The following NRG3 variants were observed in gnomAD, a reference collection of about 807,000 sequenced individuals.
NRG3 encodes the protein neuregulin 3.
A neutral mutation model predicts 66.9 loss-of-function variants in NRG3; 31 were observed. That is an observed-to-expected ratio of 0.46 (90% confidence interval 0.35 to 0.63). The LOEUF (loss-of-function observed/expected upper bound fraction) is 0.63, where lower values mean the gene tolerates loss of function less well. Among genes scored for constraint, NRG3 ranks in the 20% least tolerant of loss-of-function variants. The pLI is 0.00. For missense variants in NRG3, 910 were observed against 878.9 expected (o/e 1.04, Z -0.45); for synonymous variants, 393 against 359.4 (o/e 1.09, Z -1.06).
intron 3 of NRG3, among the ~76,000 whole-genome samples, chr10:82,852,923 A>T (rs572081788): frequency 7.2e-5 from 11 of 152,326 alleles, no homozygotes; most frequent in African/African-American, 2.6e-4. Flanking sequence ...ATTAGACAAT[A>T]GTTTCCTCCA....
At chr10:82,420,713 C>A (rs2088998256) in intron 2 of NRG3, among the ~76,000 whole-genome samples, 1 of 152,008 alleles carries the variant, frequency 6.6e-6, no homozygotes, top group South Asian at 2.1e-4. Context: ...CATGTATAAA[C>A]CTGCTTAATA....
chr10:82,640,886 C>A (rs189386771), intron 2 of NRG3, among the ~76,000 whole-genome samples: 33 of 152,130 alleles, frequency 2.2e-4, no homozygotes, highest in Admixed American at 1.6e-3. Flanking sequence ...CAAATATTAA[C>A]AAATGCTTAC....
intron 1 of NRG3, among the ~76,000 whole-genome samples, chr10:82,058,225 C>T (rs1483958988): frequency 1.3e-5 from 2 of 151,886 alleles, no homozygotes; most frequent in African/African-American, 4.8e-5. Context: ...CTAGGCCATA[C>T]ATAGCAAGTT....
intron 6 of NRG3, among the ~76,000 whole-genome samples, chr10:82,963,842 G>A (rs1850926748): frequency 6.6e-6 from 1 of 152,110 alleles, no homozygotes; most frequent in Non-Finnish European, 1.5e-5. Flanking sequence ...GGGGGTGAGT[G>A]ACTACAATCC....
At chr10:82,295,755 T>A (rs574171287) in intron 1 of NRG3, among the ~76,000 whole-genome samples, 1 of 152,300 alleles carries the variant, frequency 6.6e-6, no homozygotes, top group East Asian at 1.9e-4. Context: ...ATATTTATAC[T>A]ATGTATATTT....
chr10:82,750,298 A>C (rs1322523608), intron 3 of NRG3, among the ~76,000 whole-genome samples: 1 of 152,188 alleles, frequency 6.6e-6, no homozygotes, highest in Non-Finnish European at 1.5e-5. Flanking sequence ...GACTGACATG[A>C]AATGGAATGG....
At chr10:81,965,756 A>G (rs1000552074) in intron 1 of NRG3, among the ~76,000 whole-genome samples, 1 of 152,138 alleles carries the variant, frequency 6.6e-6, no homozygotes, top group Non-Finnish European at 1.5e-5. Flanking sequence ...TTGAATCTGT[A>G]TATTTTGATG....
chr10:81,986,252 C>G (rs972149638), intron 1 of NRG3, among the ~76,000 whole-genome samples: 11 of 152,034 alleles, frequency 7.2e-5, no homozygotes, highest in Non-Finnish European at 1.5e-5. Context: ...AAATTTGTAA[C>G]TGTAACATTC....
At chr10:82,188,576 T>TCG (rs1376702183) in intron 1 of NRG3, among the ~76,000 whole-genome samples, 75 of 152,248 alleles carry the variant, frequency 4.9e-4, no homozygotes, top group African/African-American at 1.3e-3. Context: ...ATAACCAGAA[T>TCG]ATATAAGGAG....
intron 2 of NRG3, among the ~76,000 whole-genome samples, chr10:82,498,245 G>A (rs530282325): frequency 6.6e-6 from 1 of 151,940 alleles, no homozygotes; most frequent in Non-Finnish European, 1.5e-5. Flanking sequence ...TCATTAAGGG[G>A]AAATAAACAA....
chr10:82,793,031 C>T (rs1231573436), intron 3 of NRG3, among the ~76,000 whole-genome samples: 1 of 151,912 alleles, frequency 6.6e-6, no homozygotes, highest in Non-Finnish European at 1.5e-5. Flanking sequence ...GTTTTCTTCT[C>T]TCTCTTTTTT....
At chr10:82,958,300 G>A (rs759171525) in intron 5 of NRG3, among the ~76,000 whole-genome samples, 6 of 152,114 alleles carry the variant, frequency 3.9e-5, no homozygotes, top group African/African-American at 9.7e-5. Flanking sequence ...TACTTAATGG[G>A]TATAGCATTA....
chr10:82,404,602 TAGAG>T (rs138264827), intron 2 of NRG3, among the ~76,000 whole-genome samples: 368 of 152,308 alleles, frequency 2.4e-3, no homozygotes, highest in African/African-American at 7.8e-3. Context: ...GGGTAATAAA[TAGAG>T]AGACATTTTA....
chr10:82,785,648 G>A (rs562130601), intron 3 of NRG3, among the ~76,000 whole-genome samples: 5 of 152,258 alleles, frequency 3.3e-5, no homozygotes, highest in African/African-American at 7.2e-5. Context: ...GATGAACTAG[G>A]ACATCTGTCA....
At chr10:82,612,572 A>G in intron 2 of NRG3, among the ~76,000 whole-genome samples, 1 of 152,188 alleles carries the variant, frequency 6.6e-6, no homozygotes, top group East Asian at 1.9e-4. Flanking sequence ...ATACTCTAAA[A>G]GTTCTCAAAA....
intron 1 of NRG3, among the ~76,000 whole-genome samples, chr10:82,155,159 A>T (rs1259319331): frequency 6.6e-6 from 1 of 151,782 alleles, no homozygotes; most frequent in Non-Finnish European, 1.5e-5. Context: ...ACAGATATAA[A>T]TGTTTTCTGA....
chr10:82,558,298 A>AC (rs368549767), intron 2 of NRG3, among the ~76,000 whole-genome samples: 1 of 152,254 alleles, frequency 6.6e-6, no homozygotes, highest in African/African-American at 2.4e-5. Context: ...TGCCTGAATT[A>AC]CCATTCTTCC....
intron 2 of NRG3, among the ~76,000 whole-genome samples, chr10:82,540,848 T>C (rs1056242896): frequency 6.6e-6 from 1 of 152,176 alleles, no homozygotes; most frequent in Non-Finnish European, 1.5e-5. Flanking sequence ...ACATTAGATA[T>C]GTTGACGTTC....
intron 1 of NRG3, among the ~76,000 whole-genome samples, chr10:82,015,437 A>G (rs1220967127): frequency 6.6e-6 from 1 of 152,130 alleles, no homozygotes; most frequent in African/African-American, 2.4e-5. Flanking sequence ...TTGTGTCCCC[A>G]CCCAAATCTC....
Sources: gnomAD v4.1 joint callset for allele counts (sites outside exome capture counted in the v4.1 genomes callset) on GRCh38, gnomAD v4.1.1 for gene constraint, MANE v1.5 for transcripts, NCBI Gene and HGNC (gene_info 2026-07-23, HGNC 2026-07-21) for gene names.